Variants in ARHGAP26 observed in about 807,000 individuals in gnomAD.
The protein encoded by ARHGAP26 is rho GTPase-activating protein 26.
In ARHGAP26, 38 loss-of-function variants were observed where a neutral mutation model predicts 104.8. That is an observed-to-expected ratio of 0.36 (90% confidence interval 0.28 to 0.48). The LOEUF (loss-of-function observed/expected upper bound fraction) is 0.48. ARHGAP26 is among the 20% of genes least tolerant of loss of function. The pLI is 0.99. For synonymous variants in ARHGAP26, 341 were observed against 340.0 expected (o/e 1.00, Z -0.03); for missense variants, 704 against 947.9 (o/e 0.74, Z 3.38).
chr5:142,821,043 C>A (rs2152072840), intron 1 of ARHGAP26, among the ~76,000 whole-genome samples: 1 of 152,284 alleles, frequency 6.6e-6, no homozygotes, highest in East Asian at 1.9e-4. Flanking sequence ...AATGAGGACT[C>A]CTTGAGGTGG....
At chr5:142,963,635 C>T (rs1770781549) in intron 11 of ARHGAP26, among the ~76,000 whole-genome samples, 1 of 152,140 alleles carries the variant, frequency 6.6e-6, no homozygotes, top group Admixed American at 6.5e-5. Context: ...CAGATCTCAG[C>T]CTAAATGTCA....
intron 6 of ARHGAP26, among the ~76,000 whole-genome samples, chr5:142,895,446 G>A (rs1759331514): frequency 6.6e-6 from 1 of 151,994 alleles, no homozygotes; most frequent in Non-Finnish European, 1.5e-5. Context: ...TGGCCAGGAT[G>A]GTCTCGATCT....
Position 143,125,268 on chromosome 5 carries a change from A to G in ARHGAP26, c.1698+4121A>G, listed in dbSNP as rs553479637. ...TTTCTGTTGTTTTCCAAGGGTTAAC[A>G]TTAGACATTCAGCTGAGGGTTAATA... On this transcript the variant is annotated intron_variant, in intron 18 of 22. Transcript: ENST00000645722. Among the ~76,000 whole-genome samples the G allele has an allele frequency of 2.0e-4, 30 of 152,306 alleles. No individual in the cohort carries two copies. In the South Asian group the frequency reaches 5.8e-3, roughly 29 times the overall value.
At chr5:143,162,913 G>C (rs935931522) in intron 20 of ARHGAP26, among the ~76,000 whole-genome samples, 2 of 151,928 alleles carry the variant, frequency 1.3e-5, no homozygotes, top group African/African-American at 4.8e-5. Flanking sequence ...TTGAGCCCAG[G>C]AATTTAAGAC....
At chr5:143,052,242 C>A (rs963406544) in intron 14 of ARHGAP26, among the ~76,000 whole-genome samples, 4 of 152,032 alleles carry the variant, frequency 2.6e-5, no homozygotes, top group African/African-American at 9.7e-5. Context: ...GAGGCCGAGG[C>A]GGGCGGATCT....
chr5:142,861,241 T>C (rs1239056887), intron 1 of ARHGAP26, among the ~76,000 whole-genome samples: 1 of 151,984 alleles, frequency 6.6e-6, no homozygotes, highest in Non-Finnish European at 1.5e-5. Context: ...GAGCACAGCC[T>C]CCCCTGAGGT....
At chr5:143,036,969 T>G (rs1782746644) in intron 12 of ARHGAP26, among the ~76,000 whole-genome samples, 2 of 152,220 alleles carry the variant, frequency 1.3e-5, no homozygotes, top group Non-Finnish European at 2.9e-5. Flanking sequence ...GAGAACTAAA[T>G]GAGATACTAC....
chr5:142,775,031 C>T (rs182761908), intron 1 of ARHGAP26, among the ~76,000 whole-genome samples: 6 of 151,536 alleles, frequency 4.0e-5, no homozygotes, highest in Admixed American at 6.6e-5. Flanking sequence ...TGAATAGAGC[C>T]GATATAAACA....
intron 6 of ARHGAP26, among the ~76,000 whole-genome samples, chr5:142,895,467 T>C (rs530723179): frequency 3.1e-4 from 47 of 152,210 alleles, no homozygotes; most frequent in Admixed American, 1.1e-3. Flanking sequence ...CCTGACCCCG[T>C]GATCCGCCCG....
intron 11 of ARHGAP26, among the ~76,000 whole-genome samples, chr5:142,981,399 C>T (rs1333525363): frequency 6.6e-6 from 1 of 152,202 alleles, no homozygotes; most frequent in African/African-American, 2.4e-5. Flanking sequence ...GCATTAACAA[C>T]ACACAAACAC....
intron 17 of ARHGAP26, among the ~76,000 whole-genome samples, chr5:143,073,695 C>T (rs1788591019): frequency 6.6e-6 from 1 of 152,198 alleles, no homozygotes; most frequent in South Asian, 2.1e-4. Context: ...AAAGTATGTA[C>T]ACACACTGCA....
At chr5:143,013,901 C>A (rs560970501) in intron 11 of ARHGAP26, among the ~76,000 whole-genome samples, 179 bp from the exon 12 acceptor site, 1 of 152,094 alleles carries the variant, frequency 6.6e-6, no homozygotes, top group Non-Finnish European at 1.5e-5. Flanking sequence ...CACTTAAGAA[C>A]AGCTAAAGTA....
At chr5:143,074,918 G>T (rs577072769) in intron 17 of ARHGAP26, among the ~76,000 whole-genome samples, 1 of 152,324 alleles carries the variant, frequency 6.6e-6, no homozygotes, top group Admixed American at 6.5e-5. Flanking sequence ...AGCCTAGAGG[G>T]TAGCATGGGC....
intron 11 of ARHGAP26, among the ~76,000 whole-genome samples, chr5:142,970,360 A>C (rs1290845699): frequency 6.6e-6 from 1 of 152,252 alleles, no homozygotes; most frequent in Admixed American, 6.5e-5. Flanking sequence ...CAAGGAAAAA[A>C]GAGAATTTTT....
intron 1 of ARHGAP26, among the ~76,000 whole-genome samples, chr5:142,780,318 G>C (rs557839500): frequency 3.9e-5 from 6 of 152,214 alleles, no homozygotes; most frequent in South Asian, 4.1e-4. Context: ...TGAACATCCT[G>C]GCACCTCTGG....
At chr5:142,820,841 G>A (rs1400994547) in intron 1 of ARHGAP26, among the ~76,000 whole-genome samples, 3 of 152,204 alleles carry the variant, frequency 2.0e-5, no homozygotes, top group Admixed American at 6.5e-5. Context: ...ACATTATGAA[G>A]TGGAGTCTAT....
intron 4 of ARHGAP26, among the ~76,000 whole-genome samples, chr5:142,880,162 C>G (rs1416689924): frequency 1.3e-5 from 2 of 152,132 alleles, no homozygotes; most frequent in Non-Finnish European, 2.9e-5. Context: ...TCTTGAGAGA[C>G]TGCAAAGGGA....
intron 17 of ARHGAP26, among the ~76,000 whole-genome samples, chr5:143,066,208 G>A (rs1787458892): frequency 6.6e-6 from 1 of 152,216 alleles, no homozygotes; most frequent in Non-Finnish European, 1.5e-5. Flanking sequence ...CATGCTGTGT[G>A]GGTTTGTAGC....
intron 1 of ARHGAP26, among the ~76,000 whole-genome samples, chr5:142,807,003 C>A (rs1278141130): frequency 2.6e-5 from 4 of 152,226 alleles, no homozygotes; most frequent in Admixed American, 6.5e-5. Flanking sequence ...GCTTGCTATA[C>A]TGTGCCCGTC....
Sources: gnomAD v4.1 joint callset for allele counts (sites outside exome capture counted in the v4.1 genomes callset) on GRCh38, gnomAD v4.1.1 for gene constraint, MANE v1.5 for transcripts, NCBI Gene and HGNC (gene_info 2026-07-23, HGNC 2026-07-21) for gene names.